Variants in SUPT3H observed in about 807,000 individuals in gnomAD.
The protein encoded by SUPT3H is SPT3 homolog, SAGA and STAGA complex component, also known as transcription initiation protein SPT3 homolog.
SUPT3H carries 44 observed loss-of-function variants against 44.3 expected under a neutral mutation model. That is an observed-to-expected ratio of 0.99 (90% CI 0.78 to 1.28). The LOEUF is 1.28. Among genes scored for constraint, SUPT3H ranks in the 50% most tolerant of loss-of-function variants. SUPT3H has a pLI of 0.00. For synonymous variants in SUPT3H, 124 were observed against 125.6 expected, an observed-to-expected ratio of 0.99 and a Z score of 0.09; for missense variants, 380 against 387.1, an observed-to-expected ratio of 0.98 and a Z score of 0.15.
intron 2 of SUPT3H, among the ~76,000 whole-genome samples, chr6:45,248,663 T>C (rs768579594): frequency 2.8e-4 from 43 of 152,254 alleles, no homozygotes; most frequent in Non-Finnish European, 5.9e-4. Context: ...TTGCCTGTAA[T>C]CCCAGCACTT....
intron 3 of SUPT3H, among the ~76,000 whole-genome samples, chr6:45,062,089 T>C (rs1792186313): frequency 6.6e-6 from 1 of 151,968 alleles, no homozygotes; most frequent in South Asian, 2.1e-4. Context: ...CAAATTTTTA[T>C]ATGAATATAC....
intron 2 of SUPT3H, among the ~76,000 whole-genome samples, chr6:45,111,769 G>A (rs1183227116): frequency 6.6e-6 from 1 of 152,044 alleles, no homozygotes; most frequent in Non-Finnish European, 1.5e-5. Flanking sequence ...TAGGTGCCCA[G>A]CTGACATCTC....
chr6:44,838,838 C>G (rs1280825068), intron 10 of SUPT3H, among the ~76,000 whole-genome samples: 1 of 152,202 alleles, frequency 6.6e-6, no homozygotes, highest in Admixed American at 6.5e-5. Flanking sequence ...GCCTTTGTGT[C>G]TCTTTCCTTA....
intron 6 of SUPT3H, among the ~76,000 whole-genome samples, chr6:45,000,309 T>A (rs896637451): frequency 6.6e-6 from 1 of 152,080 alleles, no homozygotes; most frequent in Non-Finnish European, 1.5e-5. Context: ...ATTTTTGGAC[T>A]GTTAGCTTTA....
chr6:45,241,356 G>C (rs192221385), intron 2 of SUPT3H, among the ~76,000 whole-genome samples: 238 of 152,270 alleles, frequency 1.6e-3, no homozygotes, highest in African/African-American at 5.1e-3. Context: ...GGCCCACCCA[G>C]GGCAGAAAAC....
intron 2 of SUPT3H, among the ~76,000 whole-genome samples, chr6:45,298,827 C>G (rs918378624): frequency 6.6e-6 from 1 of 152,066 alleles, no homozygotes; most frequent in South Asian, 2.1e-4. Context: ...AAGTATATAA[C>G]CAAATTTATC....
intron 10 of SUPT3H, among the ~76,000 whole-genome samples, chr6:44,926,172 T>C (rs1054023577): frequency 6.6e-5 from 10 of 152,144 alleles, no homozygotes; most frequent in African/African-American, 2.4e-4. Context: ...TATTTTGATA[T>C]TTAGTTTTTA....
chr6:45,162,678 T>C (rs182551984), intron 2 of SUPT3H, among the ~76,000 whole-genome samples: 165 of 152,314 alleles, frequency 1.1e-3, no homozygotes, highest in African/African-American at 3.6e-3. Flanking sequence ...CTATGAGATG[T>C]CTTCTCCAGG....
At chr6:45,328,835 A>G (rs1441855949) in intron 2 of SUPT3H, 1 of 1,567,012 alleles carries the variant, frequency 6.4e-7, no homozygotes, top group African/African-American at 1.4e-5. Flanking sequence ...TGTTAAACAT[A>G]AAGGTATGAT....
downstream of SUPT3H, among the ~76,000 whole-genome samples, chr6:44,824,462 C>T (rs1767591815): frequency 6.6e-6 from 1 of 151,796 alleles, no homozygotes; most frequent in African/African-American, 2.4e-5. Flanking sequence ...GAGTTGGAGA[C>T]CAGCCTCAGT....
At chr6:45,038,510 C>T (rs1422776097) in intron 3 of SUPT3H, among the ~76,000 whole-genome samples, 2 of 152,082 alleles carry the variant, frequency 1.3e-5, no homozygotes, top group Admixed American at 6.6e-5. Context: ...TGAATGATTT[C>T]CACTTCATCG....
At chr6:45,262,944 T>C (rs4714846) in intron 2 of SUPT3H, among the ~76,000 whole-genome samples, 23,155 of 151,994 alleles carry the variant, frequency 0.15, 2,002 homozygotes, top group East Asian at 0.26. Context: ...TAAGATACCA[T>C]CTCACAACAG....
chr6:44,904,116 G>A (rs1299946505), intron 10 of SUPT3H, among the ~76,000 whole-genome samples: 1 of 152,142 alleles, frequency 6.6e-6, no homozygotes, highest in Non-Finnish European at 1.5e-5. Context: ...TTTGAAAACT[G>A]GCACAAGACA....
intron 10 of SUPT3H, among the ~76,000 whole-genome samples, chr6:44,853,585 G>A (rs923171721): frequency 1.3e-5 from 2 of 152,098 alleles, no homozygotes; most frequent in African/African-American, 4.8e-5. Context: ...TCTGGTCTAA[G>A]AATTAAATCA....
At chr6:44,885,227 C>T (rs536327048) in intron 10 of SUPT3H, among the ~76,000 whole-genome samples, 1 of 152,306 alleles carries the variant, frequency 6.6e-6, no homozygotes, top group East Asian at 1.9e-4. Flanking sequence ...CCTCTGCAGA[C>T]TTAAATGTCC....
At chr6:45,300,882 T>C (rs1050916867) in intron 2 of SUPT3H, among the ~76,000 whole-genome samples, 1 of 151,812 alleles carries the variant, frequency 6.6e-6, no homozygotes, top group African/African-American at 2.4e-5. Context: ...TAGTAAAAAA[T>C]TTAAAGAAGT....
chr6:45,041,693 C>T (rs562951267), intron 3 of SUPT3H, among the ~76,000 whole-genome samples: 1 of 152,164 alleles, frequency 6.6e-6, no homozygotes, highest in Non-Finnish European at 1.5e-5. Flanking sequence ...CTTCCACCTT[C>T]TTTTTCTTCT....
intron 2 of SUPT3H, among the ~76,000 whole-genome samples, chr6:45,331,550 T>C (rs1268588037): frequency 6.6e-6 from 1 of 151,982 alleles, no homozygotes; most frequent in African/African-American, 2.4e-5. Context: ...CTCTAACACA[T>C]ATCAAAAGCT....
intron 2 of SUPT3H, among the ~76,000 whole-genome samples, chr6:45,315,998 A>C (rs1332756755): frequency 6.6e-6 from 1 of 152,068 alleles, no homozygotes; most frequent in Non-Finnish European, 1.5e-5. Context: ...TCAACCATAC[A>C]AAGGAATGAA....
Sources: allele counts gnomAD v4.1 joint callset (sites outside exome capture counted in the v4.1 genomes callset), GRCh38; gene constraint gnomAD v4.1.1; transcripts MANE v1.5; gene names NCBI Gene and HGNC (gene_info 2026-07-23, HGNC 2026-07-21).